Variants in LDB3 observed in about 807,000 individuals in gnomAD.
The protein encoded by LDB3 is LIM domain-binding protein 3.
Under a neutral mutation model 69.0 loss-of-function variants are expected in LDB3, and 49 were observed. The ratio of observed to expected loss-of-function variants is 0.71; its 90% CI spans 0.56 to 0.90. The LOEUF (loss-of-function observed/expected upper bound fraction) is 0.90. LDB3 is among the 40% of genes least tolerant of loss of function. LDB3 has a pLI of 0.00. For synonymous variants in LDB3, 387 were observed against 396.2 expected (o/e 0.98, Z 0.28); for missense variants, 928 against 974.1 (o/e 0.95, Z 0.63).
intron 9 of LDB3, among the ~76,000 whole-genome samples, chr10:86,714,338 G>A (rs1171933421): frequency 6.6e-6 from 1 of 152,120 alleles, no homozygotes; most frequent in Non-Finnish European, 1.5e-5. Context: ...GTTGCACTGA[G>A]ATTTTCTAGA....
intron 9 of LDB3, among the ~76,000 whole-genome samples, chr10:86,710,460 C>T (rs1006317003): frequency 6.6e-6 from 1 of 152,194 alleles, no homozygotes; most frequent in Non-Finnish European, 1.5e-5. Flanking sequence ...CGTGGTGGCA[C>T]CCACCTGTAA....
chr10:86,692,163 C>T (rs966477927), intron 6 of LDB3, 98 bp downstream of exon 6: 228 of 1,394,628 alleles, frequency 1.6e-4, no homozygotes, highest in East Asian at 7.3e-5. Flanking sequence ...AGTCCTGCTA[C>T]CTGCCCTTGA....
intron 12 of LDB3, among the ~76,000 whole-genome samples, chr10:86,720,007 G>T (rs1049579841): frequency 6.6e-6 from 1 of 152,332 alleles, no homozygotes; most frequent in Admixed American, 6.5e-5. Flanking sequence ...GAGCTGCAGG[G>T]ACTAACTGGG....
At chr10:86,709,552 G>A (rs938045366) in intron 8 of LDB3, among the ~76,000 whole-genome samples, 3 of 152,176 alleles carry the variant, frequency 2.0e-5, no homozygotes, top group African/African-American at 7.2e-5. Flanking sequence ...CCACAAGGTC[G>A]TGGGGGTAGG....
Position 86,699,410 on chromosome 10 carries a change from G to A in LDB3, c.896+6839G>A, listed in dbSNP as rs755741219. ...GGAATCCCCCCACCCCAACAGGCTGGACTCCCTCCATCCTTACCCCCACAC... is the reference window on the plus strand; with the variant it reads ...GGAATCCCCCCACCCCAACAGGCTGAACTCCCTCCATCCTTACCCCCACAC... On this transcript the variant is annotated intron_variant, in intron 7 of 13. Transcript: ENST00000361373. This position sits in a 1 kb window ranked among gnomAD's most constrained non-coding sequence, Gnocchi z 4.9. 9 of 1,612,484 alleles carry A rather than the reference G, an allele frequency of 5.6e-6. No individual in the cohort carries two copies. The Admixed American group carries it at 1.0e-4, about 18-fold the overall frequency.
At chr10:86,694,334 C>T (rs948489676) in intron 7 of LDB3, among the ~76,000 whole-genome samples, 4 of 152,134 alleles carry the variant, frequency 2.6e-5, no homozygotes, top group Admixed American at 6.5e-5. Flanking sequence ...AGTCCTTTCA[C>T]CAGCGGCCTA....
chr10:86,727,181 T>C (rs183691771), intron 13 of LDB3, among the ~76,000 whole-genome samples: 53 of 152,146 alleles, frequency 3.5e-4, no homozygotes, highest in Admixed American at 3.1e-3. Flanking sequence ...CCACCATGCC[T>C]GGCTAATTTT....
chr10:86,707,854 A>G (rs1419278557), intron 8 of LDB3, among the ~76,000 whole-genome samples: 1 of 152,186 alleles, frequency 6.6e-6, no homozygotes, highest in Non-Finnish European at 1.5e-5. Context: ...GGATGGTTTC[A>G]TCCCAGTTTC....
intron 8 of LDB3, among the ~76,000 whole-genome samples, chr10:86,708,455 G>GTGCCAT (rs1450688802): frequency 2.0e-5 from 3 of 152,214 alleles, no homozygotes; most frequent in Admixed American, 6.5e-5. Context: ...CCCAGTGCCA[G>GTGCCAT]TCCCTGACTC....
intron 2 of LDB3, among the ~76,000 whole-genome samples, chr10:86,669,386 G>T (rs1001138573): frequency 2.6e-5 from 4 of 152,230 alleles, no homozygotes; most frequent in African/African-American, 7.2e-5. Flanking sequence ...TCTGTCTCAG[G>T]TCTTGTTCCC....
chr10:86,691,529 C>G (rs961359181), intron 5 of LDB3, among the ~76,000 whole-genome samples: 2 of 152,200 alleles, frequency 1.3e-5, no homozygotes, highest in African/African-American at 4.8e-5. Flanking sequence ...TCTCTCCAGC[C>G]AGCCCCAAAC....
intron 2 of LDB3, among the ~76,000 whole-genome samples, chr10:86,674,315 C>T (rs956425184): frequency 1.3e-5 from 2 of 152,228 alleles, no homozygotes; most frequent in East Asian, 3.8e-4. Flanking sequence ...TGGAGGCTGG[C>T]ACCGAAGTCA....
rs948419969 is a variant in LDB3, at chr10:86,735,836, T to C, written c.*2860T>C. The C allele has an allele frequency of 4.6e-5, 7 of 151,844 alleles. No individual in the cohort carries two copies. The East Asian group carries it at 7.7e-4, about 17-fold the overall frequency. 9.4% of individuals were successfully genotyped at this position (151,844 alleles called of 1,614,324 possible). ...CAACTTTTTGCAATGGAGTGACTTA[T>C]ATCTGCAGCTTATATCTGCAGTGTT... On this transcript the variant is annotated 3_prime_UTR_variant, in exon 14 of 14. Transcript: ENST00000361373.
chr10:86,722,991 G>A (rs1242486639), intron 12 of LDB3, among the ~76,000 whole-genome samples: 1 of 151,982 alleles, frequency 6.6e-6, no homozygotes, highest in Non-Finnish European at 1.5e-5. Flanking sequence ...ACACAGCCCA[G>A]CTTGGTGGCT....
At chr10:86,724,006 T>TC (rs552440002) in intron 12 of LDB3, among the ~76,000 whole-genome samples, 15 of 152,290 alleles carry the variant, frequency 9.8e-5, no homozygotes, top group African/African-American at 2.9e-4. Context: ...GTCAGTTTCC[T>TC]CCCCTTTAAA....
chr10:86,672,766 G>A (rs888228797), intron 2 of LDB3, among the ~76,000 whole-genome samples: 1 of 152,248 alleles, frequency 6.6e-6, no homozygotes, highest in Non-Finnish European at 1.5e-5. Context: ...TCCAAAAGGA[G>A]AGGACATGAG....
At position 86,718,779 on chromosome 10, in the gene LDB3, C is replaced by T. The variant is rs141569007; in HGVS notation, c.1910C>T (p.Ala637Val). ...QTWHTTCFVC[A>V]ACKKPFGNSL... is the part of the protein sequence containing the mutation. ...TGGCACACCACCTGCTTCGTCTGTG[C>T]GGCCTGCAAGAAGCCTTTTGGGAAC... is the stretch of plus-strand genomic sequence containing the variant. Residue 637 changes from alanine to valine, a missense_variant, in exon 12 of 14, where the codon GCG becomes GTG. Physicochemically the swap from Ala to Val is moderately conservative, Grantham distance 64 (BLOSUM62 0). Coordinates refer to ENST00000361373, the MANE Select transcript of LDB3 (RefSeq NM_007078.3). The T allele has an allele frequency of 5.1e-5, 83 of 1,613,980 alleles. No individual in the cohort carries two copies. The highest frequency in any genetic ancestry group is 4.7e-4 in the African/African-American group (35 of 74,888).
intron 2 of LDB3, among the ~76,000 whole-genome samples, chr10:86,675,865 C>G (rs892955581): frequency 6.6e-6 from 1 of 152,216 alleles, no homozygotes; most frequent in Non-Finnish European, 1.5e-5. Context: ...TGTTGGGGAT[C>G]ACATAGAGGA....
At chr10:86,718,253 A>C (rs1343882828) in intron 11 of LDB3, 109 bp downstream of exon 11, 1 of 1,037,306 alleles carries the variant, frequency 9.6e-7, no homozygotes, top group African/African-American at 1.6e-5. Context: ...CAGAGAAAGC[A>C]ACTCCATTTT....
Sources: gnomAD v4.1 joint callset for allele counts (sites outside exome capture counted in the v4.1 genomes callset) on GRCh38, gnomAD v4.1.1 for gene constraint, Gnocchi (gnomAD v3.1) non-coding constraint, MANE v1.5 for transcripts, NCBI Gene and HGNC (gene_info 2026-07-23, HGNC 2026-07-21) for gene names.